Variants in COL5A1 observed in about 807,000 individuals in gnomAD.
The protein encoded by COL5A1 is collagen alpha-1(V) chain.
COL5A1 carries 16 observed loss-of-function variants against 263.7 expected under a neutral mutation model. That is an observed-to-expected ratio of 0.06 (90% CI 0.04 to 0.09). The LOEUF (loss-of-function observed/expected upper bound fraction) is 0.09, where lower values mean the gene tolerates loss of function less well. Ranked by LOEUF, COL5A1 falls within the 10% of genes least tolerant of loss-of-function variation. The pLI, the probability that COL5A1 is intolerant of heterozygous loss-of-function variation, is 1.00. For missense variants in COL5A1, 2,036 were observed against 2,540.5 expected, an observed-to-expected ratio of 0.80 and a Z score of 4.27; for synonymous variants, 1,012 against 1,004.5, an observed-to-expected ratio of 1.01 and a Z score of -0.14.
At chr9:134,727,070 T>TGGATGGATGGACGGATGGATGGAC (rs139171326) in intron 4 of COL5A1, among the ~76,000 whole-genome samples, 196 bp from the exon 5 acceptor site, 2 of 151,252 alleles carry the variant, frequency 1.3e-5, no homozygotes, top group African/African-American at 4.9e-5. Context: ...GATGGATGGA[T>TGGATGGATGGACGGATGGATGGAC]GGATGGATGG....
chr9:134,759,421 T>C (rs1293746745), intron 18 of COL5A1, among the ~76,000 whole-genome samples: 1 of 94,444 alleles, frequency 1.1e-5, no homozygotes, highest in Non-Finnish European at 2.0e-5. Flanking sequence ...ACACCCACAC[T>C]CATACACACA....
At chr9:134,840,536 C>T (rs373213794) in intron 65 of COL5A1, among the ~76,000 whole-genome samples, 10 of 152,324 alleles carry the variant, frequency 6.6e-5, no homozygotes, top group East Asian at 1.9e-4. Context: ...CACAGATGTT[C>T]GTTACGTCAC....
chr9:134,822,726 C>CT (rs546540419), intron 59 of COL5A1, among the ~76,000 whole-genome samples: 2 of 150,514 alleles, frequency 1.3e-5, no homozygotes, highest in Non-Finnish European at 3.0e-5. Context: ...CTGCGCCCCC[C>CT]CCGCGGCTGT....
At chr9:134,704,530 G>A (rs987491911) in intron 4 of COL5A1, among the ~76,000 whole-genome samples, 4 of 152,290 alleles carry the variant, frequency 2.6e-5, no homozygotes, top group Admixed American at 1.3e-4. Flanking sequence ...GCTTCTGGTC[G>A]AACGGTAAGT....
chr9:134,822,036 T>G, intron 58 of COL5A1, 61 bp from the exon 59 acceptor site: 1 of 1,467,078 alleles, frequency 6.8e-7, no homozygotes, highest in Non-Finnish European at 9.5e-7. Context: ...GTAGCAGGGT[T>G]GCAGCCCCGC....
intron 5 of COL5A1, 72 bp from the exon 6 acceptor site, chr9:134,728,598 G>T: frequency 6.2e-7 from 1 of 1,607,286 alleles, no homozygotes; most frequent in Non-Finnish European, 8.5e-7. Context: ...TGGAGGTTGC[G>T]GAAGGAAGGA....
At chr9:134,668,046 G>A (rs1832412530) in intron 1 of COL5A1, among the ~76,000 whole-genome samples, 1 of 152,176 alleles carries the variant, frequency 6.6e-6, no homozygotes, top group South Asian at 2.1e-4. Flanking sequence ...GGATGTACCA[G>A]GCACTTTGGG....
chr9:134,838,913 T>C (rs1175467935), intron 65 of COL5A1, among the ~76,000 whole-genome samples: 1 of 152,180 alleles, frequency 6.6e-6, no homozygotes, highest in Admixed American at 6.5e-5. Flanking sequence ...GGGGGTGGCA[T>C]GCAGGGACGC....
At position 134,738,815 on chromosome 9, in the gene COL5A1, G is replaced by A. The variant is rs778707250; in HGVS notation, c.1494+7G>A. ...CGGGGACCCTGGAGAAAGGGTAAGAGGTTGACTGTGTTTCCTGAGATCACA... is the reference window on the plus strand; with the variant it reads ...CGGGGACCCTGGAGAAAGGGTAAGAAGTTGACTGTGTTTCCTGAGATCACA... On this transcript the variant is annotated splice_region_variant and intron_variant, in intron 11 of 65. Coordinates refer to ENST00000371817, the MANE Select transcript of COL5A1 (RefSeq NM_000093.5). 5 of 1,612,068 alleles carry A rather than the reference G, an allele frequency of 3.1e-6. No individual in the cohort carries two copies. The highest frequency in any genetic ancestry group is 4.5e-5 in the East Asian group (2 of 44,852).
chr9:134,748,011 TCA>T (rs201334079), intron 11 of COL5A1, among the ~76,000 whole-genome samples: 41 of 99,964 alleles, frequency 4.1e-4, no homozygotes, highest in Admixed American at 1.8e-3. Flanking sequence ...ACACATGCAT[TCA>T]CACACATGCA....
chr9:134,642,240 C>CGCTGCTGCCCCCGCTGCTGCT lies in COL5A1; in HGVS notation c.62_82dup (p.Pro21_Leu27dup). ...CGCAGCGCGCTCCGCCCGGGCGCCC[C>CGCTGCTGCCCCCGCTGCTGCT]GCTGCTGCCCCCGCTGCTGCTGCTG... On this transcript the variant is annotated inframe_insertion, in exon 1 of 66. Transcript: ENST00000371817. This position sits in a 1 kb window ranked among gnomAD's most constrained non-coding sequence, Gnocchi z 4.5. 7.8e-7 allele frequency: 1 copy of CGCTGCTGCCCCCGCTGCTGCT among 1,290,262 alleles called. No individual in the cohort carries two copies. The highest frequency in any genetic ancestry group is 3.4e-5 in the East Asian group (1 of 29,036). The allele number at this position is 1,290,262 out of a possible 1,614,324, so 79.9% of individuals were successfully genotyped here.
In COL5A1 at chr9:134,750,865, A is replaced by G; in HGVS notation, c.1645A>G (p.Ile549Val). 5 of 1,613,200 alleles carry G rather than the reference A, an allele frequency of 3.1e-6. No homozygotes were observed. The highest frequency in any genetic ancestry group is 1.7e-4 in the Middle Eastern group (1 of 6,060). ...VSAQESQAQA[I>V]LQQARLALRG... is the part of the protein sequence containing the mutation. Reference sequence around the variant, plus strand: ...AGCCCAGGAGTCCCAGGCGCAAGCCATTCTCCAGCAGGCCAGGGTGAGTAC... The same window carrying G: ...AGCCCAGGAGTCCCAGGCGCAAGCCGTTCTCCAGCAGGCCAGGGTGAGTAC... Residue 549 changes from isoleucine to valine, a missense_variant, in exon 13 of 66, where the codon ATT becomes GTT. Ile to Val is a conservative substitution (Grantham distance 29, BLOSUM62 3). This residue lies in a region of COL5A1 where 1,078 missense variants were observed against 1,521.4 expected (regional missense o/e 0.71). Coordinates refer to ENST00000371817, the MANE Select transcript of COL5A1 (RefSeq NM_000093.5).
chr9:134,661,865 A>T (rs1478982192), intron 1 of COL5A1, among the ~76,000 whole-genome samples: 1 of 152,046 alleles, frequency 6.6e-6, no homozygotes, highest in Non-Finnish European at 1.5e-5. Flanking sequence ...TTCCCTTTCC[A>T]GCCCTTCCCT....
At chr9:134,832,454 G>A (rs992556672) in intron 64 of COL5A1, among the ~76,000 whole-genome samples, 2 of 152,094 alleles carry the variant, frequency 1.3e-5, no homozygotes, top group South Asian at 4.1e-4. Flanking sequence ...ATCTGGGCAG[G>A]GCTACCCACA....
intron 18 of COL5A1, among the ~76,000 whole-genome samples, chr9:134,760,514 A>ATG (rs1836342350): frequency 9.5e-6 from 1 of 105,772 alleles, no homozygotes; most frequent in African/African-American, 3.9e-5. Context: ...ACACGCATAC[A>ATG]CACCCACACA....
rs928227935 is a variant in COL5A1, at chr9:134,700,247, G to T, written c.491+125G>T. The T allele has an allele frequency of 1.1e-5, 10 of 890,622 alleles. No homozygotes were observed. Among genetic ancestry groups the T allele is most frequent in the Non-Finnish European group, 1.7e-5 (10 of 577,464 alleles). 55.2% of individuals were successfully genotyped at this position (890,622 alleles called of 1,614,324 possible). ...AGCCGGTACTGAGACTCCCACAGAC[G>T]CCGCAGCAGAGGAGAGGGTGCTGGG... is the stretch of plus-strand genomic sequence containing the variant. On this transcript the variant is annotated intron_variant, in intron 3 of 65. Transcript: ENST00000371817. This position sits in a 1 kb window ranked among gnomAD's most constrained non-coding sequence, Gnocchi z 4.0.
At chr9:134,834,321 C>T (rs926468532) in intron 64 of COL5A1, among the ~76,000 whole-genome samples, 2 of 152,204 alleles carry the variant, frequency 1.3e-5, no homozygotes, top group African/African-American at 4.8e-5. Flanking sequence ...GAGAATGGTT[C>T]TCTGTTCACT....
rs139343205 is a variant in COL5A1 at position 134,780,140 on chromosome 9, C to T, written c.2424C>T (p.Gly808=). Residue 808 remains glycine, a synonymous_variant, in exon 28 of 66, where the codon GGC becomes GGT. Transcript: ENST00000371817. ...DGIRGLKGTK[G]EKGEDGFPGF... is the part of the protein sequence containing the mutation. ...TCCGTGGTCTGAAGGGCACAAAGGG[C>T]GAGAAGGTAAGTCTCTCCTTGCAGC... The T allele has an allele frequency of 4.6e-5, 75 of 1,613,186 alleles. No homozygotes were observed. Among genetic ancestry groups the T allele is most frequent in the Middle Eastern group, 3.3e-4 (2 of 6,084 alleles).
intron 1 of COL5A1, among the ~76,000 whole-genome samples, chr9:134,657,723 G>A (rs1832064425): frequency 6.6e-6 from 1 of 151,068 alleles, no homozygotes; most frequent in Non-Finnish European, 1.5e-5. Context: ...TTCTCCAGAT[G>A]AGTTTCCTTT....
Sources: allele counts gnomAD v4.1 joint callset (sites outside exome capture counted in the v4.1 genomes callset), GRCh38; gene constraint gnomAD v4.1.1; regional missense constraint gnomAD v4.1.1; non-coding constraint Gnocchi (gnomAD v3.1); transcripts MANE v1.5; gene names NCBI Gene and HGNC (gene_info 2026-07-23, HGNC 2026-07-21).